NDUFA13: variants seen among roughly 807,000 people sequenced by gnomAD.
NDUFA13 encodes the protein NADH dehydrogenase [ubiquinone] 1 alpha subcomplex subunit 13.
NDUFA13 carries 16 observed loss-of-function variants against 17.0 expected under a neutral mutation model. The observed-to-expected ratio is 0.94, with a 90% CI of 0.64 to 1.43. The LOEUF is 1.43. Ranked by LOEUF, NDUFA13 falls within the 40% of genes most tolerant of loss-of-function variation. NDUFA13 has a pLI of 0.00. For missense variants in NDUFA13, 228 were observed against 206.7 expected (o/e 1.10, Z -0.63); for synonymous variants, 87 against 78.4 (o/e 1.11, Z -0.58).
At chr19:19,516,482 G>A in intron 1 of NDUFA13, 150 bp downstream of exon 1, 1 of 853,920 alleles carries the variant, frequency 1.2e-6, no homozygotes, top group South Asian at 1.4e-5. Flanking sequence ...ATAACGCTAA[G>A]TGCTGCAGTT....
At chr19:19,521,763 C>T (rs911239889) in intron 1 of NDUFA13, among the ~76,000 whole-genome samples, 7 of 151,778 alleles carry the variant, frequency 4.6e-5, no homozygotes, top group South Asian at 2.1e-4. Context: ...CCACTGCGCC[C>T]GGCTAATTTT....
intron 1 of NDUFA13, among the ~76,000 whole-genome samples, chr19:19,522,003 T>A (rs965405532): frequency 2.2e-4 from 34 of 152,138 alleles, no homozygotes; most frequent in African/African-American, 7.5e-4. Flanking sequence ...CACAAAAGTT[T>A]TTAATTTCAA....
chr19:19,525,634 A>T (rs1600348821), intron 1 of NDUFA13, among the ~76,000 whole-genome samples: 1 of 152,194 alleles, frequency 6.6e-6, no homozygotes, highest in South Asian at 2.1e-4. Context: ...CCAGCCTGTC[A>T]GTCAGGATTA....
intron 2 of NDUFA13, chr19:19,526,833 A>C: frequency 3.6e-6 from 1 of 277,434 alleles, no homozygotes; most frequent in Non-Finnish European, 7.1e-6. Context: ...CATTGCAGGG[A>C]ACTTGGAAAC....
At chr19:19,525,695 T>A (rs1390559094) in intron 1 of NDUFA13, among the ~76,000 whole-genome samples, 1 of 152,138 alleles carries the variant, frequency 6.6e-6, no homozygotes, top group Non-Finnish European at 1.5e-5. Flanking sequence ...CCTAGGTCCT[T>A]CCTGGGGTGC....
chr19:19,526,148 G>A (rs751569509), intron 1 of NDUFA13, 34 bp from the exon 2 acceptor site: 46 of 1,609,820 alleles, frequency 2.9e-5, no homozygotes, highest in Middle Eastern at 1.6e-4. Flanking sequence ...GTCTGGGGGC[G>A]GGCTGGCCCG....
At chr19:19,521,225 C>G (rs1458155245) in intron 1 of NDUFA13, among the ~76,000 whole-genome samples, 1 of 152,072 alleles carries the variant, frequency 6.6e-6, no homozygotes, top group African/African-American at 2.4e-5. Context: ...ATCATAGCCA[C>G]CATCCTAGCG....
intron 1 of NDUFA13, among the ~76,000 whole-genome samples, chr19:19,516,780 T>G (rs1244011526): frequency 6.6e-6 from 1 of 152,246 alleles, no homozygotes; most frequent in Admixed American, 6.5e-5. Context: ...ATCCATATTC[T>G]TTAAATTTTC....
intron 1 of NDUFA13, among the ~76,000 whole-genome samples, chr19:19,524,913 TG>T (rs1347037475): frequency 1.3e-5 from 2 of 152,122 alleles, no homozygotes; most frequent in Non-Finnish European, 2.9e-5. Flanking sequence ...GGCACACACC[TG>T]GGGTCCCAGT....
intron 1 of NDUFA13, among the ~76,000 whole-genome samples, chr19:19,523,171 T>C (rs1408798975): frequency 6.6e-6 from 1 of 152,246 alleles, no homozygotes; most frequent in Non-Finnish European, 1.5e-5. Flanking sequence ...AAAGAAATGG[T>C]TGGGATTCTG....
intron 1 of NDUFA13, among the ~76,000 whole-genome samples, chr19:19,522,883 G>T (rs2061084322): frequency 6.6e-6 from 1 of 152,142 alleles, no homozygotes; most frequent in South Asian, 2.1e-4. Flanking sequence ...TGAAAAGACT[G>T]TTTTCTCTCC....
rs369808745 is a variant in NDUFA13 at position 19,526,223 on chromosome 19, G to A, written c.136G>A (p.Gly46Arg). 38 of 1,614,012 alleles carry A rather than the reference G, an allele frequency of 2.4e-5. No individual in the cohort carries two copies. Among genetic ancestry groups the A allele is most frequent in the Non-Finnish European group, 2.9e-5 (34 of 1,180,036 alleles). The change falls in exon 2 of 5, where the codon GGG becomes AGG. Residue 46 changes from glycine (G) to arginine (R), a missense_variant. Coordinates refer to ENST00000507754, the MANE Select transcript of NDUFA13 (RefSeq NM_015965.7). ...CATAGGGATTGGAACCCTGATCTACGGGCACTGGAGCATAATGAAGTGGAA... is the reference window on the plus strand; with the variant it reads ...CATAGGGATTGGAACCCTGATCTACAGGCACTGGAGCATAATGAAGTGGAA... ...LAIGIGTLIY[G>R]HWSIMKWNRE...
In NDUFA13 at chr19:19,516,294, T is replaced by C. The variant is rs1568356679; in HGVS notation, c.56T>C (p.Ile19Thr). ...CCTCCGCCGGGGGGCTATGGGCCCATCGACTACAAACGGAACTTGCCGCGT... is the reference window on the plus strand; with the variant it reads ...CCTCCGCCGGGGGGCTATGGGCCCACCGACTACAAACGGAACTTGCCGCGT... ...DMPPPGGYGPIDYKRNLPRRG... is the reference protein window; with the variant it reads ...DMPPPGGYGPTDYKRNLPRRG... Residue 19 changes from isoleucine (I) to threonine (T), a missense_variant, in exon 1 of 5, where the codon ATC becomes ACC. By Grantham distance (89) the Ile-to-Thr change is moderately conservative. Transcript: ENST00000507754. 1.2e-6 allele frequency: 2 copies of C among 1,613,718 alleles called. No individual in the cohort carries two copies. Among genetic ancestry groups the C allele is most frequent in the South Asian group, 2.2e-5 (2 of 91,070 alleles).
At chr19:19,523,447 T>TTTTTTG (rs1600347428) in intron 1 of NDUFA13, among the ~76,000 whole-genome samples, 1 of 151,954 alleles carries the variant, frequency 6.6e-6, no homozygotes, top group African/African-American at 2.4e-5. Context: ...TTTTTCTTTT[T>TTTTTTG]TTTTTGTTTT....
chr19:19,527,808 G>T (rs1219963196), intron 4 of NDUFA13, 38 bp downstream of exon 4: 1 of 1,543,128 alleles, frequency 6.5e-7, no homozygotes, highest in African/African-American at 1.4e-5. Context: ...GCCAGCCACG[G>T]CAGAGACAGG....
chr19:19,527,229 C>T (rs377763801), intron 2 of NDUFA13, 52 bp from the exon 3 acceptor site: 1 of 1,583,982 alleles, frequency 6.3e-7, no homozygotes, highest in Non-Finnish European at 8.6e-7. Context: ...GCTGCCTGTG[C>T]TCCCCCGACC....
At chr19:19,527,067 C>T (rs945310643) in intron 2 of NDUFA13, among the ~76,000 whole-genome samples, 4 of 152,248 alleles carry the variant, frequency 2.6e-5, no homozygotes, top group South Asian at 2.1e-4. Flanking sequence ...GGCAGTCACC[C>T]GTGCAGCTGC....
rs778072418 is a variant in NDUFA13 at position 19,528,164 on chromosome 19, C to G, written c.*38C>G. ...CCGGCCACCTGGATCCCTGCCCCTC[C>G]CCACTGGGACGGAATAAATGCTCTG... On this transcript the variant is annotated 3_prime_UTR_variant, in exon 5 of 5. Coordinates refer to ENST00000507754, the MANE Select transcript of NDUFA13 (RefSeq NM_015965.7). 1.9e-6 allele frequency: 3 copies of G among 1,609,302 alleles called. No individual in the cohort carries two copies. The highest frequency in any genetic ancestry group is 2.5e-6 in the Non-Finnish European group (3 of 1,179,818).
In NDUFA13 at chr19:19,527,267, T is replaced by C. The variant is rs756680930; in HGVS notation, c.174-14T>C. 3.1e-6 allele frequency: 5 copies of C among 1,613,944 alleles called. No individual in the cohort carries two copies. Among genetic ancestry groups the C allele is most frequent in the Non-Finnish European group, 4.2e-6 (5 of 1,179,980 alleles). ...GCCTGGTCTGACCTGAGTGTGGGTT[T>C]CGGGCTTTCACAGGCGCCTACAAAT... On this transcript the variant is annotated splice_polypyrimidine_tract_variant and intron_variant, in intron 2 of 4. Transcript: ENST00000507754.
Sources: gnomAD v4.1 joint callset for allele counts (sites outside exome capture counted in the v4.1 genomes callset) on GRCh38, gnomAD v4.1.1 for gene constraint, MANE v1.5 for transcripts, NCBI Gene and HGNC (gene_info 2026-07-23, HGNC 2026-07-21) for gene names.